Variants in ZNF676 observed in about 807,000 individuals in gnomAD.
ZNF676 encodes the protein zinc finger protein 676.
ZNF676 carries 4 observed loss-of-function variants against 6.0 expected under a neutral mutation model. The ratio of observed to expected loss-of-function variants is 0.67; its 90% CI spans 0.33 to 1.53. The LOEUF is 1.53. Ranked by LOEUF, ZNF676 falls within the 40% of genes most tolerant of loss-of-function variation. The pLI, the probability that ZNF676 is intolerant of heterozygous loss-of-function variation, is 0.06. For synonymous variants in ZNF676, 198 were observed against 223.1 expected (o/e 0.89, Z 1.00); for missense variants, 644 against 679.7 (o/e 0.95, Z 0.58).
At chr19:22,194,583 C>T (rs867053017) in intron 1 of ZNF676, among the ~76,000 whole-genome samples, 1 of 152,204 alleles carries the variant, frequency 6.6e-6, no homozygotes. Context: ...CAGAAAGGAC[C>T]TTACAATGCG....
At chr19:22,183,442 G>C (rs1455499138) in intron 2 of ZNF676, among the ~76,000 whole-genome samples, 1 of 152,060 alleles carries the variant, frequency 6.6e-6, no homozygotes, top group Non-Finnish European at 1.5e-5. Context: ...GGTTCAAGCA[G>C]TTCTCCTGCC....
At chr19:22,199,435 G>A (rs893795903), upstream of ZNF676, among the ~76,000 whole-genome samples, 1 of 152,164 alleles carries the variant, frequency 6.6e-6, no homozygotes, top group African/African-American at 2.4e-5. Flanking sequence ...AACAACGTGT[G>A]CACATGTACT....
chr19:22,225,478 T>C, the ZNF676 span, among the ~76,000 whole-genome samples: 2 of 151,188 alleles, frequency 1.3e-5, no homozygotes, highest in African/African-American at 4.9e-5. Flanking sequence ...ATAAATAAGA[T>C]TGTTGTAATT....
chr19:22,222,943 G>A, the ZNF676 span, among the ~76,000 whole-genome samples: 2,806 of 152,288 alleles, frequency 0.018, 82 homozygotes, highest in African/African-American at 0.064. Context: ...CTTTCACCAA[G>A]TACTAGAGAG....
the ZNF676 span, among the ~76,000 whole-genome samples, chr19:22,240,275 C>T: frequency 6.7e-6 from 1 of 149,932 alleles, no homozygotes; most frequent in Non-Finnish European, 1.5e-5. Context: ...TATCTGTTGG[C>T]ATGGCCTGGT....
At chr19:22,234,974 A>AAGCAAG in the ZNF676 span, among the ~76,000 whole-genome samples, 1 of 52,202 alleles carries the variant, frequency 1.9e-5, no homozygotes, top group African/African-American at 9.2e-5. Context: ...GAAAGAAAGA[A>AAGCAAG]AGAAAGAAAG....
At chr19:22,228,605 T>A in the ZNF676 span, among the ~76,000 whole-genome samples, 1 of 152,062 alleles carries the variant, frequency 6.6e-6, no homozygotes, top group African/African-American at 2.4e-5. Context: ...TTGAGAAAAC[T>A]CCATCATCTC....
At chr19:22,224,291 C>T in the ZNF676 span, among the ~76,000 whole-genome samples, 97 of 149,890 alleles carry the variant, frequency 6.5e-4, no homozygotes, top group South Asian at 0.011. Context: ...TTTTGTTTTA[C>T]GTATTATAAT....
rs773425783 is a variant in ZNF676, at chr19:22,181,073, T to C, written c.644A>G (p.His215Arg). 2 of 1,579,216 alleles carry C rather than the reference T, an allele frequency of 1.3e-6. No homozygotes were observed. Among genetic ancestry groups the C allele is most frequent in the Admixed American group, 1.7e-5 (1 of 58,460 alleles). The change falls in exon 3 of 3, where the codon CAT becomes CGT. Residue 215 changes from histidine to arginine, a missense_variant. His to Arg is a conservative substitution (Grantham distance 29). This residue lies in a region of ZNF676 where 280 missense variants were observed against 269.3 expected (regional missense o/e 1.04). Transcript: ENST00000397121. ...TTTCTCTCCAGTATGAATTACCTTA[T>C]GTTTAGTAAGGATTGAGAACTTACT... Reference protein sequence around the residue: ...AFSKFSILTKHKVIHTGEKPY... With the variant: ...AFSKFSILTKRKVIHTGEKPY...
intron 1 of ZNF676, among the ~76,000 whole-genome samples, chr19:22,205,116 A>C (rs2024064154): frequency 6.6e-6 from 1 of 152,154 alleles, no homozygotes; most frequent in Non-Finnish European, 1.5e-5. Context: ...AAAGCAGAAG[A>C]GAGAAAATTG....
At chr19:22,216,407 C>T (rs2024190588), upstream of ZNF676, among the ~76,000 whole-genome samples, 1 of 151,952 alleles carries the variant, frequency 6.6e-6, no homozygotes, top group African/African-American at 2.4e-5. Context: ...TGCACTGCGG[C>T]CTGGGCAACA....
chr19:22,196,967 A>G (rs1207190992), upstream of ZNF676: 8 of 409,352 alleles, frequency 2.0e-5, no homozygotes, highest in East Asian at 5.1e-5. Flanking sequence ...TCTAGATAAT[A>G]AAGTATAAAA....
rs1216064745 is a variant in ZNF676 at position 22,214,673 on chromosome 19, C to T, written c.3+959G>A. On this transcript the variant is annotated intron_variant, in intron 1 of 3. Coordinates refer to the ZNF676 transcript ENST00000650058. Reference sequence around the variant, plus strand: ...CTACATTGGGGGAAAAAAATTCAGGCTTAACACACTATAAACTGCCAATTA... The same window carrying T: ...CTACATTGGGGGAAAAAAATTCAGGTTTAACACACTATAAACTGCCAATTA... 2.0e-5 allele frequency among the ~76,000 whole-genome samples: 3 copies of T among 150,812 alleles called. No individual in the cohort carries two copies. In the South Asian group the frequency reaches 6.3e-4, roughly 32 times the overall value.
upstream of ZNF676, among the ~76,000 whole-genome samples, chr19:22,199,462 A>C (rs971224676): frequency 6.6e-6 from 1 of 152,244 alleles, no homozygotes; most frequent in African/African-American, 2.4e-5. Context: ...ATGTTTATTA[A>C]GCAGGTACTA....
At chr19:22,237,478 T>C in the ZNF676 span, among the ~76,000 whole-genome samples, 2 of 152,236 alleles carry the variant, frequency 1.3e-5, no homozygotes, top group South Asian at 4.1e-4. Flanking sequence ...CTGAGTGTAG[T>C]GTACCTCCTC....
the ZNF676 span, among the ~76,000 whole-genome samples, chr19:22,259,362 G>A: frequency 6.6e-6 from 1 of 152,148 alleles, no homozygotes; most frequent in Admixed American, 6.5e-5. Flanking sequence ...CATCAGATGA[G>A]AGTCACATCA....
At chr19:22,244,102 G>A in the ZNF676 span, 2 of 149,286 alleles carry the variant, frequency 1.3e-5, no homozygotes, top group African/African-American at 5.0e-5. Context: ...GGAGTGCAAT[G>A]GCATGGTCTC....
intron 2 of ZNF676, among the ~76,000 whole-genome samples, chr19:22,183,428 C>T (rs1041791638): frequency 1.3e-5 from 2 of 152,144 alleles, no homozygotes; most frequent in Non-Finnish European, 2.9e-5. Flanking sequence ...ACCTCTGCCA[C>T]CCAGGTTCAA....
chr19:22,201,363 T>C (rs1366547897), upstream of ZNF676, among the ~76,000 whole-genome samples: 1 of 152,226 alleles, frequency 6.6e-6, no homozygotes, highest in Non-Finnish European at 1.5e-5. Flanking sequence ...AAAATGTCTA[T>C]GTTGATATCT....
Sources: gnomAD v4.1 joint callset for allele counts (sites outside exome capture counted in the v4.1 genomes callset) on GRCh38, gnomAD v4.1.1 for gene constraint, gnomAD v4.1.1 regional missense constraint, MANE v1.5 for transcripts, NCBI Gene and HGNC (gene_info 2026-07-23, HGNC 2026-07-21) for gene names.